The following PLXNA4 variants were observed in gnomAD, a reference collection of about 807,000 sequenced individuals.
The protein encoded by PLXNA4 is plexin A4.
Under a neutral mutation model 191.8 loss-of-function variants are expected in PLXNA4, and 44 were observed. The ratio of observed to expected loss-of-function variants is 0.23; its 90% CI spans 0.18 to 0.29. The LOEUF is 0.29. Among genes scored for constraint, PLXNA4 ranks in the 10% least tolerant of loss-of-function variants. The pLI is 1.00. For synonymous variants in PLXNA4, 1,082 were observed against 1,009.5 expected, an observed-to-expected ratio of 1.07 and a Z score of -1.36; for missense variants, 1,800 against 2,488.8, an observed-to-expected ratio of 0.72 and a Z score of 5.89.
intron 25 of PLXNA4, 69 bp downstream of exon 25, chr7:132,159,404 T>C (rs887411885): frequency 1.8e-5 from 29 of 1,584,084 alleles, no homozygotes; most frequent in Middle Eastern, 1.7e-4. Context: ...CTGCCTCTGC[T>C]GACAGGAGAA....
At chr7:132,282,705 G>C (rs905090875) in intron 4 of PLXNA4, among the ~76,000 whole-genome samples, 1 of 141,070 alleles carries the variant, frequency 7.1e-6, no homozygotes, top group African/African-American at 2.6e-5. Flanking sequence ...TCATCGGAGA[G>C]TGTTCCTTCT....
intron 1 of PLXNA4, among the ~76,000 whole-genome samples, chr7:132,575,127 G>A (rs554323087): frequency 6.6e-6 from 1 of 152,234 alleles, no homozygotes; most frequent in African/African-American, 2.4e-5. Context: ...TGGATCTCAT[G>A]TTCTTCTCCC....
intron 1 of PLXNA4, among the ~76,000 whole-genome samples, chr7:132,515,032 G>A (rs955650692): frequency 1.3e-5 from 2 of 152,280 alleles, no homozygotes; most frequent in South Asian, 2.1e-4. Context: ...AGCACAGAAC[G>A]GGGGTCGGGA....
chr7:132,574,923 T>A (rs376110347), intron 1 of PLXNA4, among the ~76,000 whole-genome samples: 1 of 152,232 alleles, frequency 6.6e-6, no homozygotes, highest in Non-Finnish European at 1.5e-5. Context: ...CATCATGTTC[T>A]GTAAGGCTCC....
intron 30 of PLXNA4, among the ~76,000 whole-genome samples, chr7:132,136,724 T>C (rs936125870): frequency 1.3e-5 from 2 of 152,178 alleles, no homozygotes; most frequent in African/African-American, 4.8e-5. Flanking sequence ...TCTGTAGTGA[T>C]TGGGAAGATG....
rs538044339 is a variant in PLXNA4, at chr7:132,346,097, G to A, written c.1372-47875C>T. The stretch of plus-strand genomic sequence containing the variant: ...TCAGCACTGACTTAACCTTGTTCCC[G>A]CAGACAGCTGTGGGCTAAAGACAAG... On this transcript the variant is annotated intron_variant, in intron 3 of 31. Transcript: ENST00000321063. Among the ~76,000 whole-genome samples the A allele has an allele frequency of 5.9e-5, 9 of 152,260 alleles. No homozygotes were observed. The South Asian group carries it at 8.3e-4, about 14-fold the overall frequency.
chr7:132,297,379 A>T (rs1295615024), intron 4 of PLXNA4, among the ~76,000 whole-genome samples: 1 of 152,184 alleles, frequency 6.6e-6, no homozygotes, highest in Non-Finnish European at 1.5e-5. Context: ...ATGGATGTCC[A>T]AGGTGAAACC....
intron 3 of PLXNA4, among the ~76,000 whole-genome samples, chr7:132,412,851 G>A (rs1794514628): frequency 6.6e-6 from 1 of 152,130 alleles, no homozygotes; most frequent in African/African-American, 2.4e-5. Flanking sequence ...GAGCACCGGG[G>A]AGGGACCTCC....
At chr7:132,323,188 G>A (rs926220745) in intron 3 of PLXNA4, among the ~76,000 whole-genome samples, 1 of 152,144 alleles carries the variant, frequency 6.6e-6, no homozygotes, top group Non-Finnish European at 1.5e-5. Flanking sequence ...CCACCACCAG[G>A]CCTTAAATCA....
chr7:132,565,982 G>C (rs55953646), intron 1 of PLXNA4, among the ~76,000 whole-genome samples: 7 of 152,068 alleles, frequency 4.6e-5, no homozygotes, highest in Admixed American at 4.6e-4. Context: ...AGTTGGGTTC[G>C]AACTCAGCTG....
chr7:132,491,665 G>T (rs1797808067), intron 2 of PLXNA4, among the ~76,000 whole-genome samples: 1 of 151,962 alleles, frequency 6.6e-6, no homozygotes, highest in African/African-American at 2.4e-5. Context: ...TATTGACCAG[G>T]CATGGTGACT....
intron 9 of PLXNA4, among the ~76,000 whole-genome samples, chr7:132,218,091 C>G (rs1798025678): frequency 6.6e-6 from 1 of 151,968 alleles, no homozygotes; most frequent in Admixed American, 6.5e-5. Flanking sequence ...GCTCCTGTCT[C>G]AGGGCATGGG....
At chr7:132,426,983 C>A (rs1348128598) in intron 3 of PLXNA4, among the ~76,000 whole-genome samples, 1 of 152,152 alleles carries the variant, frequency 6.6e-6, no homozygotes, top group African/African-American at 2.4e-5. Context: ...ACCTGTACCC[C>A]CTTGGGACCA....
intron 9 of PLXNA4, among the ~76,000 whole-genome samples, chr7:132,218,149 T>C (rs1798027910): frequency 6.6e-6 from 1 of 152,180 alleles, no homozygotes. Context: ...GCTAGGACTT[T>C]CTCGGCCTTG....
At chr7:132,334,085 T>C (rs551151456) in intron 3 of PLXNA4, among the ~76,000 whole-genome samples, 2 of 152,194 alleles carry the variant, frequency 1.3e-5, no homozygotes, top group South Asian at 2.1e-4. Flanking sequence ...TTACATTATA[T>C]GTAATCTCCT....
rs1008808954 is a variant in PLXNA4, at chr7:132,401,009, G to A, written c.1371+88283C>T. Among the ~76,000 whole-genome samples, 5 of 152,266 alleles carry A rather than the reference G, an allele frequency of 3.3e-5. No individual in the cohort carries two copies. The East Asian group carries it at 5.8e-4, about 18-fold the overall frequency. On this transcript the variant is annotated intron_variant, in intron 3 of 31. Transcript: ENST00000321063. ...AAGCAGGCCAGAAGAGGACTCCAGC[G>A]ACCTGACATGCACGATCTCAGATCA...
At chr7:132,545,845 G>A (rs529283970) in intron 1 of PLXNA4, among the ~76,000 whole-genome samples, 1 of 152,352 alleles carries the variant, frequency 6.6e-6, no homozygotes, top group South Asian at 2.1e-4. Flanking sequence ...AAAGTCATCA[G>A]GCACCTGCGG....
intron 3 of PLXNA4, among the ~76,000 whole-genome samples, chr7:132,312,551 T>C (rs779508954): frequency 2.6e-5 from 4 of 152,218 alleles, no homozygotes; most frequent in Admixed American, 2.6e-4. Context: ...TCAATAATAA[T>C]ATATCCATTT....
intron 4 of PLXNA4, among the ~76,000 whole-genome samples, chr7:132,262,810 G>A (rs1584916782): frequency 6.6e-6 from 1 of 152,014 alleles, no homozygotes; most frequent in African/African-American, 2.4e-5. Flanking sequence ...GGGTCTAAGG[G>A]GTCAAAACAT....
Sources: gnomAD v4.1 joint callset for allele counts (sites outside exome capture counted in the v4.1 genomes callset) on GRCh38, gnomAD v4.1.1 for gene constraint, MANE v1.5 for transcripts, NCBI Gene and HGNC (gene_info 2026-07-23, HGNC 2026-07-21) for gene names.